The following CEPT1 variants were observed in gnomAD, a reference collection of about 807,000 sequenced individuals.
CEPT1 encodes the protein choline/ethanolamine phosphotransferase 1, also known as choline/ethanolaminephosphotransferase 1.
A neutral mutation model predicts 42.6 loss-of-function variants in CEPT1; 7 were observed. The observed-to-expected ratio is 0.16, with a 90% CI of 0.09 to 0.31. The LOEUF (loss-of-function observed/expected upper bound fraction) is 0.31, where lower values mean the gene tolerates loss of function less well. Ranked by LOEUF, CEPT1 falls within the 10% of genes least tolerant of loss-of-function variation. The pLI is 1.00. For missense variants in CEPT1, 306 were observed against 502.1 expected, an observed-to-expected ratio of 0.61 and a Z score of 3.73; for synonymous variants, 171 against 171.9, an observed-to-expected ratio of 0.99 and a Z score of 0.04.
chr1:111,164,688 A>G (rs1656044115), intron 4 of CEPT1, among the ~76,000 whole-genome samples: 1 of 151,988 alleles, frequency 6.6e-6, no homozygotes, highest in South Asian at 2.1e-4. Context: ...TAGTGGCACA[A>G]CCTCGGCTCA....
intron 4 of CEPT1, chr1:111,167,277 A>T: frequency 1.0e-6 from 1 of 984,858 alleles, no homozygotes; most frequent in Non-Finnish European, 1.2e-6. Flanking sequence ...GAATAATTAA[A>T]ACATGAAAAA....
At chr1:111,148,726 G>T (rs1353204491) in intron 2 of CEPT1, among the ~76,000 whole-genome samples, 1 of 152,104 alleles carries the variant, frequency 6.6e-6, no homozygotes, top group Non-Finnish European at 1.5e-5. Context: ...CTCATTACTT[G>T]AAACCAAAAC....
chr1:111,142,723 A>T (rs1382651194), intron 1 of CEPT1, among the ~76,000 whole-genome samples: 1 of 152,200 alleles, frequency 6.6e-6, no homozygotes, highest in Non-Finnish European at 1.5e-5. Context: ...AGCTTGTGGG[A>T]AAAGAATGTT....
chr1:111,182,584 C>T lies in CEPT1; in HGVS notation c.847-215C>T, dbSNP rs41281386. ...TATGAGCTGCTTTGTAAAAATAAGCCTGGTCTCTTAAGTGAAATCCTCAGT... is the reference window on the plus strand; with the variant it reads ...TATGAGCTGCTTTGTAAAAATAAGCTTGGTCTCTTAAGTGAAATCCTCAGT... On this transcript the variant is annotated intron_variant, in intron 6 of 8. Coordinates refer to ENST00000357172, the MANE Select transcript of CEPT1 (RefSeq NM_006090.5). 5,733 of 573,658 alleles carry T rather than the reference C, an allele frequency of 1.0e-2. 39 individuals are homozygous for T. Among genetic ancestry groups the T allele is most frequent in the Admixed American group, 0.014 (368 of 27,250 alleles). The allele number at this position is 573,658 out of a possible 1,614,324, so 35.5% of individuals were successfully genotyped here.
intron 4 of CEPT1, among the ~76,000 whole-genome samples, chr1:111,165,398 C>A (rs1026264261): frequency 6.6e-6 from 1 of 152,016 alleles, no homozygotes; most frequent in Non-Finnish European, 1.5e-5. Flanking sequence ...AGGCAGAACT[C>A]ACTTAAATTA....
intron 5 of CEPT1, chr1:111,179,317 G>A (rs146532945): frequency 6.6e-6 from 1 of 152,288 alleles, no homozygotes; most frequent in Non-Finnish European, 1.5e-5. Flanking sequence ...TCACCTGGCT[G>A]TAGGACAGAC....
chr1:111,167,191 G>A (rs1311286541), intron 4 of CEPT1: 1 of 984,908 alleles, frequency 1.0e-6, no homozygotes, highest in African/African-American at 1.7e-5. Flanking sequence ...GAACTTCACG[G>A]TAACTGCTAG....
intron 1 of CEPT1, among the ~76,000 whole-genome samples, chr1:111,147,116 C>A (rs982776295): frequency 6.6e-6 from 1 of 152,092 alleles, no homozygotes; most frequent in African/African-American, 2.4e-5. Context: ...TAGTCCTTGC[C>A]TTCTAGGGTG....
intron 4 of CEPT1, among the ~76,000 whole-genome samples, chr1:111,163,111 C>T (rs1571137233): frequency 6.6e-6 from 1 of 151,966 alleles, no homozygotes; most frequent in South Asian, 2.1e-4. Context: ...CAGGAGGAAA[C>T]TCTGCCACTG....
At position 111,170,634 on chromosome 1, in the gene CEPT1, A is replaced by G. The variant is rs371819868; in HGVS notation, c.630-4245A>G. Among the ~76,000 whole-genome samples, 23 of 152,264 alleles carry G rather than the reference A, an allele frequency of 1.5e-4. No homozygotes were observed. In the South Asian group the frequency reaches 4.8e-3, roughly 32 times the overall value. Reference sequence around the variant, plus strand: ...AGTCCACCAACAGTTCACCCCACCCATGGTATTTCTGGTAGAATCTATAAT... The same window carrying G: ...AGTCCACCAACAGTTCACCCCACCCGTGGTATTTCTGGTAGAATCTATAAT... On this transcript the variant is annotated intron_variant, in intron 4 of 8. Transcript: ENST00000357172.
intron 1 of CEPT1, among the ~76,000 whole-genome samples, chr1:111,141,229 TA>T (rs1557914877): frequency 6.6e-6 from 1 of 152,232 alleles, no homozygotes; most frequent in Non-Finnish European, 1.5e-5. Context: ...GAACGACTTA[TA>T]ACACAAGTTA....
rs369309995 is a variant in CEPT1, at chr1:111,151,148, C to T, written c.339+3095C>T. 8.8e-5 allele frequency among the ~76,000 whole-genome samples: 12 copies of T among 136,976 alleles called. No homozygotes were observed. The East Asian group carries it at 1.9e-3, about 21-fold the overall frequency. 89.9% of individuals were successfully genotyped at this position (136,976 alleles called of 152,430 possible). A position where few individuals can be genotyped will look rare whatever the true frequency, so the allele number is the denominator to read the frequency against. On this transcript the variant is annotated intron_variant, in intron 2 of 8. Coordinates refer to ENST00000357172, the MANE Select transcript of CEPT1 (RefSeq NM_006090.5). ...TGTTTGTTTTTTTTTTTTTTTGAGA[C>T]GGAGTCTCGCTCTGTTGCCAGGCTG...
chr1:111,150,308 C>G (rs979298201), intron 2 of CEPT1, among the ~76,000 whole-genome samples: 12 of 152,176 alleles, frequency 7.9e-5, no homozygotes, highest in African/African-American at 2.6e-4. Flanking sequence ...ATTCAGGGTA[C>G]CTAGCATATA....
chr1:111,178,547 A>G (rs1340657613), intron 5 of CEPT1: 3 of 151,722 alleles, frequency 2.0e-5, no homozygotes, highest in Admixed American at 6.6e-5. Context: ...CAAAAAGCAT[A>G]TTTTTTGTTT....
intron 1 of CEPT1, among the ~76,000 whole-genome samples, chr1:111,142,639 C>T (rs564679310): frequency 6.2e-4 from 94 of 152,136 alleles, no homozygotes; most frequent in African/African-American, 1.9e-3. Context: ...TGCTACAGAG[C>T]GAGATCCTGT....
At chr1:111,164,591 A>G (rs1656035448) in intron 4 of CEPT1, among the ~76,000 whole-genome samples, 1 of 149,858 alleles carries the variant, frequency 6.7e-6, no homozygotes, top group Non-Finnish European at 1.5e-5. Context: ...GACCTAAACT[A>G]TCTATATTAG....
intron 1 of CEPT1, among the ~76,000 whole-genome samples, chr1:111,147,246 GTCAT>G (rs1390430859): frequency 6.6e-6 from 1 of 152,192 alleles, no homozygotes; most frequent in African/African-American, 2.4e-5. Context: ...ACTCATTGAA[GTCAT>G]TCCTCTGATA....
intron 2 of CEPT1, among the ~76,000 whole-genome samples, chr1:111,149,738 A>G (rs1482474851): frequency 5.9e-5 from 9 of 152,224 alleles, no homozygotes; most frequent in Non-Finnish European, 8.8e-5. Flanking sequence ...AAATCACACA[A>G]ATCATTAGAG....
intron 7 of CEPT1, 93 bp from the exon 8 acceptor site, chr1:111,183,369 T>A: frequency 7.3e-7 from 1 of 1,375,654 alleles, no homozygotes; most frequent in Non-Finnish European, 1.0e-6. Context: ...TAAATAATTA[T>A]TGGAAGTTGA....
Sources: allele counts gnomAD v4.1 joint callset (sites outside exome capture counted in the v4.1 genomes callset), GRCh38; gene constraint gnomAD v4.1.1; transcripts MANE v1.5; gene names NCBI Gene and HGNC (gene_info 2026-07-23, HGNC 2026-07-21).